CCNB2: variants seen among roughly 807,000 people sequenced by gnomAD.
CCNB2 encodes the protein cyclin B2.
In CCNB2, 39 loss-of-function variants were observed where a neutral mutation model predicts 51.1. The observed-to-expected ratio is 0.76, with a 90% CI of 0.59 to 1.00. The LOEUF is 1.00. CCNB2 is among the 50% of genes least tolerant of loss of function. CCNB2 has a pLI of 0.00. For synonymous variants in CCNB2, 174 were observed against 165.5 expected (o/e 1.05, Z -0.40); for missense variants, 472 against 470.3 (o/e 1.00, Z -0.03).
At chr15:59,112,648 T>G (rs1035950055) in intron 3 of CCNB2, among the ~76,000 whole-genome samples, 3 of 152,078 alleles carry the variant, frequency 2.0e-5, no homozygotes, top group East Asian at 1.9e-4. Flanking sequence ...CCTGGCCGCC[T>G]CCTCTTTTTA....
intron 3 of CCNB2, 102 bp downstream of exon 3, chr15:59,107,772 A>C (rs1011567942): frequency 3.7e-6 from 3 of 806,318 alleles, no homozygotes; most frequent in African/African-American, 3.5e-5. Context: ...ACGAACATTC[A>C]TAGCTGGAGC....
chr15:59,113,696 T>C (rs1341179821), intron 3 of CCNB2, among the ~76,000 whole-genome samples: 1 of 152,070 alleles, frequency 6.6e-6, no homozygotes, highest in African/African-American at 2.4e-5. Flanking sequence ...AGGACAGGGA[T>C]TGGAGGCAGG....
At chr15:59,121,665 C>T (rs2079302276) in intron 7 of CCNB2, 1 of 152,264 alleles carries the variant, frequency 6.6e-6, no homozygotes, top group Admixed American at 6.6e-5. Context: ...GGCGCAGTGG[C>T]TCATGCCTGT....
At chr15:59,112,984 A>T (rs1339067076) in intron 3 of CCNB2, among the ~76,000 whole-genome samples, 3 of 151,960 alleles carry the variant, frequency 2.0e-5, no homozygotes, top group African/African-American at 7.2e-5. Flanking sequence ...CAGTGAGCCA[A>T]GGTCGTGCCA....
intron 3 of CCNB2, among the ~76,000 whole-genome samples, chr15:59,111,997 G>T (rs1398410268): frequency 6.6e-6 from 1 of 151,694 alleles, no homozygotes; most frequent in Non-Finnish European, 1.5e-5. Flanking sequence ...GACAACAAGT[G>T]TGCGCCACCA....
chr15:59,106,207 CT>C (rs2140284786), intron 1 of CCNB2, among the ~76,000 whole-genome samples: 1 of 152,306 alleles, frequency 6.6e-6, no homozygotes, highest in South Asian at 2.1e-4. Context: ...TTTTCAAACA[CT>C]TTTTCAGATT....
Position 59,116,790 on chromosome 15 carries a change from T to C in CCNB2, c.698T>C (p.Phe233Ser), listed in dbSNP as rs778475417. Residue 233 changes from phenylalanine (F) to serine (S), a missense_variant, in exon 6 of 9, where the codon TTT (phenylalanine) becomes TCT (serine). Transcript: ENST00000288207. The stretch of plus-strand genomic sequence containing the variant: ...ATGTTTTCTCCAAATATTGAAGACT[T>C]TGTTTACATCACAGACAATGCTTAT... The part of the protein sequence containing the change: ...EEMFSPNIED[F>S]VYITDNAYTS... 42 of 1,613,972 alleles carry C rather than the reference T, an allele frequency of 2.6e-5. No individual in the cohort carries two copies. The highest frequency in any genetic ancestry group is 1.0e-4 in the Admixed American group (6 of 60,004).
At position 59,107,385 on chromosome 15, in the gene CCNB2, A is replaced by G; in HGVS notation, c.88A>G (p.Ile30Val). ...TTCTAAAGTTAAGAGTCATGTGACT[A>G]TTAGGCGAACTGTTTTAGAAGAAAT... is the stretch of plus-strand genomic sequence containing the variant. ...VNSKVKSHVTIRRTVLEEIGN... is the reference protein window; with the variant it reads ...VNSKVKSHVTVRRTVLEEIGN... Residue 30 changes from isoleucine to valine, a missense_variant, in exon 2 of 9, where the codon ATT (isoleucine) becomes GTT (valine). Ile to Val is a conservative substitution (Grantham distance 29, BLOSUM62 3). Transcript: ENST00000288207. 1.2e-6 allele frequency: 2 copies of G among 1,612,354 alleles called. No individual in the cohort carries two copies. Among genetic ancestry groups the G allele is most frequent in the Non-Finnish European group, 1.7e-6 (2 of 1,179,264 alleles).
chr15:59,107,355 G>A lies in CCNB2; in HGVS notation c.58G>A (p.Val20Ile). 1 of 1,607,960 alleles carries A rather than the reference G, an allele frequency of 6.2e-7. No individual in the cohort carries two copies. Among genetic ancestry groups the A allele is most frequent in the Non-Finnish European group, 8.5e-7 (1 of 1,177,006 alleles). ...TGATTTGGAGAATATTGACACAGGA[G>A]TTAATTCTAAAGTTAAGAGTCATGT... ...SSDLENIDTG[V>I]NSKVKSHVTI... Residue 20 changes from valine to isoleucine, a missense_variant, in exon 2 of 9, where the codon GTT becomes ATT. Physicochemically the swap from Val to Ile is conservative, Grantham distance 29 (BLOSUM62 3). Transcript: ENST00000288207.
chr15:59,112,658 A>T (rs542055528), intron 3 of CCNB2, among the ~76,000 whole-genome samples: 1 of 152,172 alleles, frequency 6.6e-6, no homozygotes, highest in South Asian at 2.1e-4. Context: ...TCCTCTTTTT[A>T]AAAAATATTT....
chr15:59,106,109 T>G (rs1398182926), intron 1 of CCNB2, among the ~76,000 whole-genome samples: 4 of 152,192 alleles, frequency 2.6e-5, no homozygotes, highest in African/African-American at 9.6e-5. Flanking sequence ...TCATCTTGGC[T>G]ATAAGGTTAG....
chr15:59,118,140 A>G (rs922149624), intron 7 of CCNB2, among the ~76,000 whole-genome samples: 6 of 152,234 alleles, frequency 3.9e-5, no homozygotes, highest in Non-Finnish European at 7.3e-5. Context: ...CCAAGGCCTG[A>G]CTGATTTAGC....
chr15:59,113,939 C>T (rs1325162010), intron 3 of CCNB2, among the ~76,000 whole-genome samples: 1 of 152,192 alleles, frequency 6.6e-6, no homozygotes, highest in East Asian at 1.9e-4. Context: ...GGGGCTCAAG[C>T]CATCCACCTG....
chr15:59,120,278 A>T (rs761539801), intron 7 of CCNB2, among the ~76,000 whole-genome samples: 4 of 152,170 alleles, frequency 2.6e-5, no homozygotes, highest in Non-Finnish European at 5.9e-5. Flanking sequence ...GTGAGCCTAG[A>T]ACAATTTGTG....
rs28383554 is a variant in CCNB2 at position 59,123,115 on chromosome 15, T to C, written c.976-402T>C. Among the ~76,000 whole-genome samples, 818 of 152,352 alleles carry C rather than the reference T, an allele frequency of 5.4e-3. 4 individuals are homozygous for C. Among genetic ancestry groups the C allele is most frequent in the Non-Finnish European group, 8.9e-3 (604 of 68,024 alleles). On this transcript the variant is annotated intron_variant, in intron 7 of 8. Transcript: ENST00000288207. ...ATGTCTGTTTGGGCTCTTGAGCTCATAACAGGGACAGCTGGGCAGGGCTTT... is the reference window on the plus strand; with the variant it reads ...ATGTCTGTTTGGGCTCTTGAGCTCACAACAGGGACAGCTGGGCAGGGCTTT...
chr15:59,124,578 A>G (rs1261118719), intron 8 of CCNB2, 189 bp from the exon 9 acceptor site: 1 of 591,634 alleles, frequency 1.7e-6, no homozygotes, highest in African/African-American at 1.9e-5. Flanking sequence ...TGTTTTATTC[A>G]TTAATGGGGA....
chr15:59,107,175 A>T, intron 1 of CCNB2, 147 bp from the exon 2 acceptor site: 1 of 686,552 alleles, frequency 1.5e-6, no homozygotes, highest in Non-Finnish European at 2.4e-6. Flanking sequence ...TAGCATTTTT[A>T]GACTTCCTGA....
intron 3 of CCNB2, among the ~76,000 whole-genome samples, chr15:59,108,453 C>T (rs2079244863): frequency 6.6e-6 from 1 of 152,054 alleles, no homozygotes; most frequent in African/African-American, 2.4e-5. Flanking sequence ...TGGAGCTAGC[C>T]CAGATCTTCC....
chr15:59,106,075 G>T (rs2079234645), intron 1 of CCNB2, among the ~76,000 whole-genome samples: 1 of 152,252 alleles, frequency 6.6e-6, no homozygotes, highest in African/African-American at 2.4e-5. Flanking sequence ...GAAAGCTAGA[G>T]GGCCCTGACA....
Sources: gnomAD v4.1 joint callset for allele counts (sites outside exome capture counted in the v4.1 genomes callset) on GRCh38, gnomAD v4.1.1 for gene constraint, MANE v1.5 for transcripts, NCBI Gene and HGNC (gene_info 2026-07-23, HGNC 2026-07-21) for gene names.